The following UGT1A9 variants were observed in gnomAD, a reference collection of about 807,000 sequenced individuals.
UGT1A9 encodes the protein UDP glucuronosyltransferase family 1 member A9, also known as UDP-glucuronosyltransferase 1A9.
Under a neutral mutation model 45.0 loss-of-function variants are expected in UGT1A9, and 35 were observed. The observed-to-expected ratio is 0.78, with a 90% confidence interval of 0.59 to 1.03. UGT1A9 has a LOEUF of 1.03. Among genes scored for constraint, UGT1A9 ranks in the 50% least tolerant of loss-of-function variants. UGT1A9 has a pLI of 0.00. For synonymous variants in UGT1A9, 278 were observed against 250.6 expected, an observed-to-expected ratio of 1.11 and a Z score of -1.03; for missense variants, 687 against 666.6, an observed-to-expected ratio of 1.03 and a Z score of -0.34.
At chr2:233,743,665 C>A (rs1373066127) in intron 1 of UGT1A9, 1 of 1,367,124 alleles carries the variant, frequency 7.3e-7, no homozygotes, top group Non-Finnish European at 9.8e-7. Flanking sequence ...CGAAGGGGTC[C>A]TCGAAGGGCC....
At chr2:233,746,247 A>G (rs939163155) in intron 1 of UGT1A9, among the ~76,000 whole-genome samples, 1 of 151,776 alleles carries the variant, frequency 6.6e-6, no homozygotes, top group Non-Finnish European at 1.5e-5. Context: ...AAAAGATACA[A>G]GGCAGAACAG....
At chr2:233,720,316 G>A (rs1418741193) in intron 1 of UGT1A9, among the ~76,000 whole-genome samples, 1 of 152,090 alleles carries the variant, frequency 6.6e-6, no homozygotes, top group Admixed American at 6.5e-5. Context: ...TGTATGATGT[G>A]GGGACATCGT....
chr2:233,735,337 CT>C (rs939538517), intron 1 of UGT1A9, among the ~76,000 whole-genome samples: 5 of 150,880 alleles, frequency 3.3e-5, no homozygotes, highest in East Asian at 3.9e-4. Flanking sequence ...GCAACCCCTG[CT>C]TTTTTTTTGC....
intron 1 of UGT1A9, chr2:233,717,704 A>C (rs1330764732): frequency 1.8e-5 from 8 of 450,922 alleles, no homozygotes; most frequent in Non-Finnish European, 2.7e-5. Flanking sequence ...CTGGAGCAGG[A>C]CGAGCCTCAT....
chr2:233,759,409 G>T (rs548037824), intron 1 of UGT1A9, among the ~76,000 whole-genome samples: 1 of 152,164 alleles, frequency 6.6e-6, no homozygotes, highest in African/African-American at 2.4e-5. Context: ...GTGACCTGTA[G>T]TAAGCAAAGG....
chr2:233,678,885 A>G (rs1296736861), intron 1 of UGT1A9, among the ~76,000 whole-genome samples: 2 of 152,100 alleles, frequency 1.3e-5, no homozygotes, highest in Non-Finnish European at 1.5e-5. Flanking sequence ...GACTTCCTTG[A>G]TTGGCTCTGT....
intron 4 of UGT1A9, 106 bp from the exon 5 acceptor site, chr2:233,772,156 C>G: frequency 6.4e-7 from 1 of 1,560,932 alleles, no homozygotes; most frequent in Non-Finnish European, 8.7e-7. Context: ...GTTTCCTTTC[C>G]CAAGTTTGGA....
At chr2:233,701,365 A>G (rs571373047) in intron 1 of UGT1A9, among the ~76,000 whole-genome samples, 5 of 152,274 alleles carry the variant, frequency 3.3e-5, no homozygotes, top group African/African-American at 1.2e-4. Context: ...AGATCTACAA[A>G]GAGACTTAGA....
chr2:233,682,004 G>A, intron 1 of UGT1A9: 1 of 1,614,150 alleles, frequency 6.2e-7, no homozygotes, highest in South Asian at 1.1e-5. Context: ...CTGTGGCTTT[G>A]CCAAGGCAGG....
chr2:233,705,905 T>C (rs1056214511), intron 1 of UGT1A9, among the ~76,000 whole-genome samples: 1 of 152,030 alleles, frequency 6.6e-6, no homozygotes, highest in African/African-American at 2.4e-5. Context: ...CTGGCCAAAA[T>C]AGTGAAACTC....
intron 1 of UGT1A9, chr2:233,743,936 C>T (rs766652895): frequency 1.3e-5 from 17 of 1,355,746 alleles, no homozygotes; most frequent in Non-Finnish European, 1.7e-5. Context: ...CCAGAACGGC[C>T]CACCAGGCAC....
At chr2:233,732,882 T>A (rs2078332134) in intron 1 of UGT1A9, among the ~76,000 whole-genome samples, 1 of 152,004 alleles carries the variant, frequency 6.6e-6, no homozygotes, top group African/African-American at 2.4e-5. Context: ...TGGCATTGAA[T>A]CTATAAATTA....
chr2:233,754,850 A>C (rs1172788240), intron 1 of UGT1A9: 1 of 1,345,454 alleles, frequency 7.4e-7, no homozygotes, highest in African/African-American at 1.5e-5. Context: ...AGGCAGAGAA[A>C]AGGGGTGCAG....
chr2:233,760,042 T>C (rs1697309671), intron 1 of UGT1A9, among the ~76,000 whole-genome samples: 1 of 152,232 alleles, frequency 6.6e-6, no homozygotes, highest in African/African-American at 2.4e-5. Context: ...TACTTTGCTG[T>C]GTTCACTCAA....
At chr2:233,710,354 C>T (rs1003120760) in intron 1 of UGT1A9, among the ~76,000 whole-genome samples, 3 of 152,174 alleles carry the variant, frequency 2.0e-5, no homozygotes, top group Non-Finnish European at 4.4e-5. Context: ...GTTTCCAAAG[C>T]AGTTATACAA....
chr2:233,747,095 T>C, intron 1 of UGT1A9: 1 of 1,292,004 alleles, frequency 7.7e-7, no homozygotes, highest in South Asian at 1.4e-5. Context: ...GAGCACTCTA[T>C]CTTCCAATTA....
rs189908141 is a variant in UGT1A9, at chr2:233,706,521, C to T, written c.855+33732C>T. Among the ~76,000 whole-genome samples, 191 of 152,266 alleles carry T rather than the reference C, an allele frequency of 1.3e-3. 1 individual carries two copies. Among genetic ancestry groups the T allele is most frequent in the African/African-American group, 4.2e-3 (176 of 41,544 alleles). On this transcript the variant is annotated intron_variant, in intron 1 of 4. Coordinates refer to ENST00000354728, the MANE Select transcript of UGT1A9 (RefSeq NM_021027.3). Reference sequence around the variant, plus strand: ...TGGTGTGATGCTGAGGATTTTACAGCGGCTTAGAAACACAGCTTTTTTTCT... The same window carrying T: ...TGGTGTGATGCTGAGGATTTTACAGTGGCTTAGAAACACAGCTTTTTTTCT...
In UGT1A9 at chr2:233,767,887, T is replaced by TG; in HGVS notation, c.1027dup (p.Ala343GlyfsTer8). ...ACACTGGAACCCGACCATCGAATCTTGCGAACAACACGATACTTGTTAAGT... is the reference window on the plus strand; with the variant it reads ...ACACTGGAACCCGACCATCGAATCTTGGCGAACAACACGATACTTGTTAAGT... On this transcript the variant is annotated frameshift_variant, in exon 3 of 5. Transcript: ENST00000354728. LOFTEE classifies it high-confidence loss of function. 2 of 1,614,208 alleles carry TG rather than the reference T, an allele frequency of 1.2e-6. No individual in the cohort carries two copies. Among genetic ancestry groups the TG allele is most frequent in the Non-Finnish European group, 8.5e-7 (1 of 1,180,046 alleles).
intron 1 of UGT1A9, among the ~76,000 whole-genome samples, chr2:233,676,708 T>A (rs2074368849): frequency 6.6e-6 from 1 of 152,174 alleles, no homozygotes; most frequent in Admixed American, 6.5e-5. Flanking sequence ...TCCTCTAGAA[T>A]GTCAGTGTGT....
Sources: allele counts gnomAD v4.1 joint callset (sites outside exome capture counted in the v4.1 genomes callset), GRCh38; gene constraint gnomAD v4.1.1; transcripts MANE v1.5; gene names NCBI Gene and HGNC (gene_info 2026-07-23, HGNC 2026-07-21).